Variants in ASAP1 observed in about 807,000 individuals in gnomAD.
ASAP1 encodes arf-GAP with SH3 domain, ANK repeat and PH domain-containing protein 1.
Under a neutral mutation model 145.2 loss-of-function variants are expected in ASAP1, and 43 were observed. The observed-to-expected ratio is 0.30, with a 90% CI of 0.23 to 0.38. ASAP1 has a LOEUF of 0.38. Among genes scored for constraint, ASAP1 ranks in the 10% least tolerant of loss-of-function variants. ASAP1 has a pLI of 1.00. For missense variants in ASAP1, 1,018 were observed against 1,355.3 expected (o/e 0.75, Z 3.91); for synonymous variants, 546 against 515.5 (o/e 1.06, Z -0.80).
intron 18 of ASAP1, among the ~76,000 whole-genome samples, chr8:130,122,141 T>TCC (rs1205031872): frequency 7.9e-5 from 12 of 152,064 alleles, no homozygotes; most frequent in Admixed American, 7.9e-4. Flanking sequence ...AAATACCCTC[T>TCC]CCCCATTCCC....
intron 28 of ASAP1, among the ~76,000 whole-genome samples, chr8:130,059,337 T>C (rs2097412346): frequency 6.6e-6 from 1 of 152,104 alleles, no homozygotes; most frequent in African/African-American, 2.4e-5. Flanking sequence ...CTAATTAATT[T>C]TTATTTTTTA....
At chr8:130,369,315 T>A (rs575188822) in intron 2 of ASAP1, among the ~76,000 whole-genome samples, 1 of 152,276 alleles carries the variant, frequency 6.6e-6, no homozygotes, top group African/African-American at 2.4e-5. Context: ...CTGAAGGTAA[T>A]CTTATACTAT....
chr8:130,340,755 T>C, intron 3 of ASAP1: 1 of 373,618 alleles, frequency 2.7e-6, no homozygotes, highest in South Asian at 1.9e-5. Context: ...TCCTGTGAAA[T>C]GGAGAAACTC....
intron 1 of ASAP1, among the ~76,000 whole-genome samples, chr8:130,406,274 T>C (rs1829023978): frequency 6.6e-6 from 1 of 152,150 alleles, no homozygotes; most frequent in African/African-American, 2.4e-5. Context: ...TCATTATTCT[T>C]AAATTCCATA....
chr8:130,119,777 A>C (rs138368056), intron 18 of ASAP1, among the ~76,000 whole-genome samples: 1 of 152,084 alleles, frequency 6.6e-6, no homozygotes, highest in Admixed American at 6.6e-5. Context: ...ACCATAGTAA[A>C]CTGCTTAATC....
chr8:130,123,987 A>C (rs1346206871), intron 18 of ASAP1, 26 bp downstream of exon 18: 2 of 1,554,354 alleles, frequency 1.3e-6, no homozygotes, highest in Non-Finnish European at 1.8e-6. Context: ...TGGTTTAAAA[A>C]AGTTCAATAT....
chr8:130,415,740 A>C (rs1420561629), intron 1 of ASAP1, among the ~76,000 whole-genome samples: 1 of 151,570 alleles, frequency 6.6e-6, no homozygotes, highest in Non-Finnish European at 1.5e-5. Context: ...GTGAGCCAAG[A>C]TCACACTCCA....
At chr8:130,382,497 C>T (rs1827827752) in intron 2 of ASAP1, among the ~76,000 whole-genome samples, 1 of 152,172 alleles carries the variant, frequency 6.6e-6, no homozygotes, top group Non-Finnish European at 1.5e-5. Flanking sequence ...AAGGACCAAA[C>T]TCACTCTGAC....
chr8:130,110,850 C>CA (rs1166342135), intron 24 of ASAP1, among the ~76,000 whole-genome samples: 1 of 152,084 alleles, frequency 6.6e-6, no homozygotes, highest in African/African-American at 2.4e-5. Flanking sequence ...TAGTGTGATT[C>CA]AAATAGGCAT....
At chr8:130,341,180 C>T (rs74727316) in intron 3 of ASAP1, among the ~76,000 whole-genome samples, 2,470 of 152,188 alleles carry the variant, frequency 0.016, 50 homozygotes, top group Admixed American at 0.06. Flanking sequence ...GTGAAACACA[C>T]CTACCACCCA....
intron 3 of ASAP1, among the ~76,000 whole-genome samples, chr8:130,312,637 A>G (rs1823428912): frequency 6.6e-6 from 1 of 152,150 alleles, no homozygotes; most frequent in Non-Finnish European, 1.5e-5. Flanking sequence ...TATAATTTCT[A>G]TTTATAGGTA....
chr8:130,235,549 G>GA (rs1818165339), intron 4 of ASAP1, among the ~76,000 whole-genome samples: 1 of 152,104 alleles, frequency 6.6e-6, no homozygotes, highest in Non-Finnish European at 1.5e-5. Context: ...AAATAAAAGC[G>GA]AAAGGGCAGG....
intron 4 of ASAP1, among the ~76,000 whole-genome samples, chr8:130,234,746 CA>C (rs1818111962): frequency 6.7e-6 from 1 of 148,382 alleles, no homozygotes; most frequent in Non-Finnish European, 1.5e-5. Context: ...GGCTGTAAAG[CA>C]AGGGTCTCCC....
At chr8:130,410,551 C>T (rs1305644260) in intron 1 of ASAP1, among the ~76,000 whole-genome samples, 2 of 152,254 alleles carry the variant, frequency 1.3e-5, no homozygotes, top group Non-Finnish European at 2.9e-5. Context: ...CTTCAGGGTT[C>T]CCCTGGGAAG....
chr8:130,441,267 G>C (rs2138847835), intron 1 of ASAP1, among the ~76,000 whole-genome samples: 1 of 152,274 alleles, frequency 6.6e-6, no homozygotes, highest in African/African-American at 2.4e-5. Context: ...GAGATGTGCT[G>C]TCCTTTCTGG....
chr8:130,203,069 G>A (rs1815973210), intron 5 of ASAP1, among the ~76,000 whole-genome samples: 1 of 151,870 alleles, frequency 6.6e-6, no homozygotes, highest in African/African-American at 2.4e-5. Context: ...AATTGTTGGA[G>A]GGCAGAAGTG....
intron 2 of ASAP1, among the ~76,000 whole-genome samples, chr8:130,373,575 G>A (rs954071103): frequency 5.3e-5 from 8 of 152,166 alleles, no homozygotes; most frequent in Non-Finnish European, 1.0e-4. Flanking sequence ...TTGGCCAGGT[G>A]CAGTGGCTCA....
intron 3 of ASAP1, 47 bp from the exon 4 acceptor site, chr8:130,237,041 T>TA (rs1201043492): frequency 2.9e-6 from 4 of 1,391,396 alleles, no homozygotes; most frequent in Non-Finnish European, 3.9e-6. Flanking sequence ...TTTGGTAAAT[T>TA]AAAAAAATAA....
At chr8:130,152,590 CTT>C (rs78606256) in intron 13 of ASAP1, 144 bp downstream of exon 13, 14,837 of 400,122 alleles carry the variant, frequency 0.037, no homozygotes, top group Middle Eastern at 0.048. Flanking sequence ...CAAGATAAAA[CTT>C]TTTTTTTTTT....
Sources: gnomAD v4.1 joint callset for allele counts (sites outside exome capture counted in the v4.1 genomes callset) on GRCh38, gnomAD v4.1.1 for gene constraint, MANE v1.5 for transcripts, NCBI Gene and HGNC (gene_info 2026-07-23, HGNC 2026-07-21) for gene names.